Variants in KAZN observed in about 807,000 individuals in gnomAD.
KAZN encodes kazrin, periplakin interacting protein.
KAZN carries 40 observed loss-of-function variants against 87.4 expected under a neutral mutation model. The ratio of observed to expected loss-of-function variants is 0.46; its 90% CI spans 0.36 to 0.60. The LOEUF is 0.60. KAZN is among the 20% of genes least tolerant of loss of function. KAZN has a pLI of 0.00. For synonymous variants in KAZN, 466 were observed against 458.3 expected (o/e 1.02, Z -0.22); for missense variants, 898 against 1,073.9 (o/e 0.84, Z 2.29).
At chr1:14,833,844 C>G (rs865804640) in intron 1 of KAZN, among the ~76,000 whole-genome samples, 41 of 152,126 alleles carry the variant, frequency 2.7e-4, no homozygotes, top group African/African-American at 8.7e-4. Flanking sequence ...TGGTGGCCGC[C>G]TCGTTCAGTT....
At chr1:14,389,359 C>T (rs1169300157) in intron 2 of KAZN, among the ~76,000 whole-genome samples, 3 of 152,162 alleles carry the variant, frequency 2.0e-5, no homozygotes, top group Non-Finnish European at 2.9e-5. Flanking sequence ...TAGGTATATA[C>T]TGAAAAGAAA....
intron 6 of KAZN, chr1:15,060,880 G>A (rs975031486): frequency 6.5e-6 from 1 of 152,686 alleles, no homozygotes; most frequent in African/African-American, 2.4e-5. Flanking sequence ...CAGTGTGGGA[G>A]TAAATTGAAG....
chr1:14,609,156 A>G (rs527518497), intron 1 of KAZN, among the ~76,000 whole-genome samples: 1 of 152,198 alleles, frequency 6.6e-6, no homozygotes, highest in Non-Finnish European at 1.5e-5. Context: ...TGCTTTTCCT[A>G]TTCCTATAAA....
rs763394906 is a variant in KAZN, at chr1:15,098,670, C to T, written c.1548-2873C>T. Among the ~76,000 whole-genome samples, 98 of 152,348 alleles carry T rather than the reference C, an allele frequency of 6.4e-4. 1 individual carries two copies. Among genetic ancestry groups the T allele is most frequent in the East Asian group, 1.3e-3 (7 of 5,190 alleles). ...AACCGTCCTGTAACAAGGCTGAGGC[C>T]GGCCCTTGAGGGACTGGGAGGGGGA... On this transcript the variant is annotated intron_variant, in intron 10 of 14. Transcript: ENST00000376030.
In KAZN at chr1:14,133,437, G is replaced by GAAAT. The variant is rs1434795358; in HGVS notation, c.92-46995_92-46994insTAAA. On this transcript the variant is annotated intron_variant, in intron 1 of 16. Coordinates refer to the KAZN transcript ENST00000636203. ...AGAAAGAAAGAAAGAAAGAAAGAAA[G>GAAAT]AAAATAGGGGAATCTATGTGTAACT... Among the ~76,000 whole-genome samples the GAAAT allele has an allele frequency of 1.6e-3, 227 of 141,198 alleles. 3 individuals carry two copies. The highest frequency in any genetic ancestry group is 5.7e-3 in the African/African-American group (216 of 37,858). The allele number at this position is 141,198 out of a possible 152,430, so 92.6% of individuals were successfully genotyped here. A position where few individuals can be genotyped will look rare whatever the true frequency, so the allele number is the denominator to read the frequency against.
In KAZN at chr1:14,178,655, T is replaced by C. The variant is rs113673410; in HGVS notation, c.92-1780T>C. 2.2e-4 allele frequency among the ~76,000 whole-genome samples: 34 copies of C among 152,330 alleles called. 1 individual carries two copies. The highest frequency in any genetic ancestry group is 7.7e-4 in the African/African-American group (32 of 41,580). ...ATGTTTGCTAATACTATCACTTCTG[T>C]TATTTCTGGGTTTGTTTCTGTATAC... On this transcript the variant is annotated intron_variant, in intron 1 of 16. Coordinates refer to the KAZN transcript ENST00000636203.
chr1:14,018,281 A>T (rs1054055858), intron 1 of KAZN, among the ~76,000 whole-genome samples: 7 of 152,116 alleles, frequency 4.6e-5, no homozygotes, highest in African/African-American at 7.2e-5. Context: ...TTGTGGCCCA[A>T]TCCACTGTGG....
At chr1:14,695,274 G>A (rs1641531728) in intron 1 of KAZN, among the ~76,000 whole-genome samples, 1 of 152,148 alleles carries the variant, frequency 6.6e-6, no homozygotes, top group East Asian at 1.9e-4. Flanking sequence ...CCTGGGGATA[G>A]CTCCAGCTGG....
At chr1:14,059,903 C>T (rs1642720301) in intron 1 of KAZN, among the ~76,000 whole-genome samples, 3 of 152,164 alleles carry the variant, frequency 2.0e-5, no homozygotes, top group Admixed American at 2.0e-4. Context: ...ATTTCCCCTG[C>T]TTTCCTTTGA....
At chr1:14,804,617 T>A (rs1327342990) in intron 1 of KAZN, among the ~76,000 whole-genome samples, 1 of 152,182 alleles carries the variant, frequency 6.6e-6, no homozygotes, top group Non-Finnish European at 1.5e-5. Flanking sequence ...TGACCCCCGA[T>A]GTACCCAATC....
In KAZN at chr1:15,068,057, G is replaced by A. The variant is rs370636038; in HGVS notation, c.1222+2304G>A. ...GAATGAGTTATGGGTAACATTAGACGAAAATAACCTTTCCCGTGGGAAAGG... is the reference window on the plus strand; with the variant it reads ...GAATGAGTTATGGGTAACATTAGACAAAAATAACCTTTCCCGTGGGAAAGG... On this transcript the variant is annotated intron_variant, in intron 8 of 14. Coordinates refer to ENST00000376030, the MANE Select transcript of KAZN (RefSeq NM_201628.3). The A allele has an allele frequency of 3.0e-5, 25 of 820,564 alleles. No individual in the cohort carries two copies. In the African/African-American group the frequency reaches 3.5e-4, roughly 11 times the overall value. 50.8% of individuals were successfully genotyped at this position (820,564 alleles called of 1,614,324 possible).
rs148914579 is a variant in KAZN, at chr1:14,212,014, A to T, written c.249+31422A>T. 2.6e-5 allele frequency among the ~76,000 whole-genome samples: 4 copies of T among 152,210 alleles called. No individual in the cohort carries two copies. The East Asian group carries it at 7.7e-4, about 29-fold the overall frequency. ...CTTCTTAGGAATTTGTGTTTATCTC[A>T]GTGGTTTCTGGTTTTCTCTTGTGTG... On this transcript the variant is annotated intron_variant, in intron 2 of 16. Transcript: ENST00000636203.
intron 1 of KAZN, among the ~76,000 whole-genome samples, chr1:13,934,880 C>A (rs1268653341): frequency 6.6e-6 from 1 of 152,162 alleles, no homozygotes; most frequent in Non-Finnish European, 1.5e-5. Context: ...TAATCCCTAA[C>A]CCCAGTGCAG....
At chr1:14,176,413 C>T (rs745501058) in intron 1 of KAZN, among the ~76,000 whole-genome samples, 2 of 152,134 alleles carry the variant, frequency 1.3e-5, no homozygotes, top group African/African-American at 4.8e-5. Flanking sequence ...TCACCATTTC[C>T]ACCCCAATAT....
intron 2 of KAZN, among the ~76,000 whole-genome samples, chr1:14,186,279 C>T (rs1393947470): frequency 6.6e-6 from 1 of 152,038 alleles, no homozygotes; most frequent in Non-Finnish European, 1.5e-5. Flanking sequence ...TTACAGTAAG[C>T]AGGATACGAA....
At chr1:15,004,460 G>A (rs746797118) in intron 2 of KAZN, among the ~76,000 whole-genome samples, 3 of 152,224 alleles carry the variant, frequency 2.0e-5, no homozygotes, top group Non-Finnish European at 2.9e-5. Context: ...TTACCATCTT[G>A]GACAAGTGAC....
At chr1:14,670,407 A>ATTCT (rs1447295426) in intron 1 of KAZN, among the ~76,000 whole-genome samples, 2 of 152,152 alleles carry the variant, frequency 1.3e-5, no homozygotes. Context: ...AGTAGGTCTG[A>ATTCT]GGTGGGGCCT....
intron 1 of KAZN, among the ~76,000 whole-genome samples, chr1:14,146,225 CATAAATAACTTTT>C (rs891381853): frequency 1.3e-4 from 20 of 151,500 alleles, no homozygotes; most frequent in Non-Finnish European, 1.5e-4. Flanking sequence ...TGGAGGATTC[CATAAATAACTTTT>C]AATGAAAGAT....
intron 1 of KAZN, among the ~76,000 whole-genome samples, chr1:14,939,881 AG>A (rs963864086): frequency 2.0e-5 from 3 of 152,130 alleles, no homozygotes; most frequent in Non-Finnish European, 4.4e-5. Context: ...CCCCAGTCAC[AG>A]GGGGCCTGGG....
Sources: allele counts gnomAD v4.1 joint callset (sites outside exome capture counted in the v4.1 genomes callset), GRCh38; gene constraint gnomAD v4.1.1; transcripts MANE v1.5; gene names NCBI Gene and HGNC (gene_info 2026-07-23, HGNC 2026-07-21).